Variants in NAV1 observed in about 807,000 individuals in gnomAD.
NAV1 encodes pore membrane and/or filament interacting like protein 3.
A neutral mutation model predicts 175.2 loss-of-function variants in NAV1; 18 were observed. The ratio of observed to expected loss-of-function variants is 0.10; its 90% CI spans 0.07 to 0.15. The LOEUF (loss-of-function observed/expected upper bound fraction) is 0.15. Ranked by LOEUF, NAV1 falls within the 10% of genes least tolerant of loss-of-function variation. NAV1 has a pLI of 1.00. For synonymous variants in NAV1, 897 were observed against 978.7 expected (o/e 0.92, Z 1.56); for missense variants, 1,731 against 2,436.6 (o/e 0.71, Z 6.10).
intron 1 of NAV1, among the ~76,000 whole-genome samples, chr1:201,673,585 C>T (rs950927298): frequency 2.6e-5 from 4 of 152,166 alleles, no homozygotes; most frequent in African/African-American, 9.7e-5. Context: ...CAGCTAAGCT[C>T]AATGCAGAAA....
rs755601276 is a variant in NAV1 at position 201,549,394 on chromosome 1, C to T, written c.-144+10052C>T. ...TGGCTAAATTTTGCATTTTTTGTAG[C>T]GAGGGGGTTTTGCCATGTTGCCCAG... On this transcript the variant is annotated intron_variant, in intron 1 of 33. Transcript: ENST00000685211. 3.3e-5 allele frequency among the ~76,000 whole-genome samples: 5 copies of T among 151,776 alleles called. No individual in the cohort carries two copies. The East Asian group carries it at 5.8e-4, about 18-fold the overall frequency.
chr1:201,744,344 T>TCA (rs1673635781), intron 3 of NAV1, among the ~76,000 whole-genome samples: 2 of 152,084 alleles, frequency 1.3e-5, no homozygotes, highest in African/African-American at 4.8e-5. Flanking sequence ...ATTTATTTAT[T>TCA]TATTCATTCA....
At chr1:201,549,615 A>G (rs1369623415) in intron 1 of NAV1, among the ~76,000 whole-genome samples, 2 of 152,000 alleles carry the variant, frequency 1.3e-5, no homozygotes, top group Non-Finnish European at 2.9e-5. Context: ...TGATCATGTA[A>G]ATGACATTTA....
intron 1 of NAV1, among the ~76,000 whole-genome samples, chr1:201,555,462 T>C (rs1665983640): frequency 6.6e-6 from 1 of 152,184 alleles, no homozygotes. Context: ...TCTGAGGTTT[T>C]GAGTCTGGGG....
At chr1:201,682,372 C>T (rs1267521197) in intron 1 of NAV1, among the ~76,000 whole-genome samples, 1 of 152,116 alleles carries the variant, frequency 6.6e-6, no homozygotes, top group African/African-American at 2.4e-5. Flanking sequence ...TCTTTTGAAC[C>T]TTTGTGACAA....
chr1:201,807,324 AG>A lies in NAV1; in HGVS notation c.3649-628del, dbSNP rs1678355042. On this transcript the variant is annotated intron_variant, in intron 17 of 29. Coordinates refer to ENST00000367296, the Ensembl canonical transcript of NAV1. This position sits in a 1 kb window ranked among gnomAD's most constrained non-coding sequence, Gnocchi z 5.4. Reference sequence around the variant, plus strand: ...CCTGGGCACAAGAAATACTAAAAGAAGCTTGAGCCCACTGCCTTCTCGTGTT... The same window carrying A: ...CCTGGGCACAAGAAATACTAAAAGAACTTGAGCCCACTGCCTTCTCGTGTT... Among the ~76,000 whole-genome samples, 1 of 152,204 alleles carries A rather than the reference AG, an allele frequency of 6.6e-6. No individual in the cohort carries two copies.
chr1:201,808,117 C>T lies in NAV1; in HGVS notation c.3813C>T (p.Ser1271=), dbSNP rs767159084. ...CTGCTTCACCCTCCATCAAGTCCTC[C>T]ACCTCGTCCTCCGTGGGCACTGATG... Residue 1271 remains serine (S), a synonymous_variant, in exon 18 of 30, where the codon TCC becomes TCT. Coordinates refer to ENST00000367296, the Ensembl canonical transcript of NAV1. The surrounding 1 kb of genome is among the most constrained non-coding windows in gnomAD (Gnocchi z 5.5). 6 of 1,614,222 alleles carry T rather than the reference C, an allele frequency of 3.7e-6. No individual in the cohort carries two copies. Among genetic ancestry groups the T allele is most frequent in the Non-Finnish European group, 5.1e-6 (6 of 1,180,040 alleles).
At chr1:201,776,335 C>CAAAAAAAAAAAAA (rs71138352) in intron 3 of NAV1, among the ~76,000 whole-genome samples, 3 of 71,890 alleles carry the variant, frequency 4.2e-5, no homozygotes, top group African/African-American at 1.9e-4. Context: ...CCTGACTCTA[C>CAAAAAAAAAAAAA]AAAAAAAAAA....
chr1:201,736,811 C>A (rs1415241832), intron 3 of NAV1, among the ~76,000 whole-genome samples: 1 of 152,140 alleles, frequency 6.6e-6, no homozygotes, highest in Admixed American at 6.5e-5. Context: ...GATAGACAGG[C>A]CTTTTTCCTC....
chr1:201,649,346 C>T (rs1166516211), exon 1 of NAV1: 4 of 1,610,372 alleles, frequency 2.5e-6, no homozygotes, highest in African/African-American at 1.3e-5. Context: ...AGGAGGAGCG[C>T]GCCTTCCTCA....
chr1:201,644,302 G>T (rs76774330), upstream of NAV1, among the ~76,000 whole-genome samples: 546 of 152,300 alleles, frequency 3.6e-3, 5 homozygotes, highest in African/African-American at 0.012. Flanking sequence ...ATGTGACAGG[G>T]CAGGTCCTTC....
intron 1 of NAV1, among the ~76,000 whole-genome samples, chr1:201,686,661 A>G (rs1670695837): frequency 6.6e-6 from 1 of 151,908 alleles, no homozygotes; most frequent in Non-Finnish European, 1.5e-5. Flanking sequence ...ACTCCAACCC[A>G]TTTGCTTATT....
At chr1:201,728,017 C>T (rs1438055819) in intron 3 of NAV1, among the ~76,000 whole-genome samples, 1 of 152,058 alleles carries the variant, frequency 6.6e-6, no homozygotes, top group Non-Finnish European at 1.5e-5. Flanking sequence ...ACAAATACCA[C>T]CAGTTATAAA....
At chr1:201,586,513 G>T (rs563252204) in intron 1 of NAV1, among the ~76,000 whole-genome samples, 2 of 152,208 alleles carry the variant, frequency 1.3e-5, no homozygotes, top group African/African-American at 4.8e-5. Flanking sequence ...CAGTTCTGGA[G>T]TCTGGAAGTC....
At chr1:201,681,061 C>T (rs1418234680) in intron 1 of NAV1, among the ~76,000 whole-genome samples, 1 of 152,178 alleles carries the variant, frequency 6.6e-6, no homozygotes, top group East Asian at 1.9e-4. Context: ...TCCCTCCTTC[C>T]AGTTCACCCC....
intron 3 of NAV1, among the ~76,000 whole-genome samples, chr1:201,768,333 GA>G (rs57027212): frequency 1.0e-3 from 108 of 105,658 alleles, no homozygotes; most frequent in Middle Eastern, 0.011. Context: ...CCGTCTCAGA[GA>G]AAAAAAAAAA....
chr1:201,623,484 C>T (rs1354977743), exon 1 of NAV1: 7 of 985,916 alleles, frequency 7.1e-6, no homozygotes, highest in African/African-American at 1.7e-5. Flanking sequence ...CGTGGGCTTC[C>T]TCTCCAGTCT....
chr1:201,544,098 T>C (rs1050562546), intron 1 of NAV1, among the ~76,000 whole-genome samples: 1 of 152,208 alleles, frequency 6.6e-6, no homozygotes, highest in African/African-American at 2.4e-5. Flanking sequence ...TCAGGGATTC[T>C]CCATCTTGGT....
chr1:201,811,513 A>G, intron 24 of NAV1, 90 bp from the exon 29 acceptor site: 1 of 1,501,602 alleles, frequency 6.7e-7, no homozygotes, highest in Admixed American at 1.8e-5. Context: ...GGGAATCTAG[A>G]TCTAGTAAGA....
Sources: gnomAD v4.1 joint callset for allele counts (sites outside exome capture counted in the v4.1 genomes callset) on GRCh38, gnomAD v4.1.1 for gene constraint, Gnocchi (gnomAD v3.1) non-coding constraint, MANE v1.5 for transcripts, NCBI Gene and HGNC (gene_info 2026-07-23, HGNC 2026-07-21) for gene names.